The following GRID2 variants were observed in gnomAD, a reference collection of about 807,000 sequenced individuals.
GRID2 encodes glutamate ionotropic receptor delta type subunit 2.
GRID2 carries 33 observed loss-of-function variants against 114.8 expected under a neutral mutation model. That is an observed-to-expected ratio of 0.29 (90% CI 0.22 to 0.38). The LOEUF (loss-of-function observed/expected upper bound fraction) is 0.38, where lower values mean the gene tolerates loss of function less well. GRID2 is among the 10% of genes least tolerant of loss of function. The pLI, the probability that GRID2 is intolerant of heterozygous loss-of-function variation, is 1.00. For missense variants in GRID2, 1,184 were observed against 1,257.7 expected, an observed-to-expected ratio of 0.94 and a Z score of 0.89; for synonymous variants, 505 against 449.9, an observed-to-expected ratio of 1.12 and a Z score of -1.55.
intron 14 of GRID2, among the ~76,000 whole-genome samples, chr4:93,673,600 G>A (rs1724608292): frequency 6.6e-6 from 1 of 151,914 alleles, no homozygotes; most frequent in African/African-American, 2.4e-5. Flanking sequence ...ATTGACAATT[G>A]AAACATTCCA....
Position 93,478,286 on chromosome 4 carries a change from G to A in GRID2, c.1859-12353G>A, listed in dbSNP as rs186669798. ...TAAAATCAGCATGTAAGGTTTATGT[G>A]TGGTAACCAGCACCCGTTTAATTTG... On this transcript the variant is annotated intron_variant, in intron 11 of 15. Coordinates refer to ENST00000282020, the MANE Select transcript of GRID2 (RefSeq NM_001510.4). Among the ~76,000 whole-genome samples, 43 of 152,228 alleles carry A rather than the reference G, an allele frequency of 2.8e-4. 2 individuals carry two copies. Among genetic ancestry groups the A allele is most frequent in the Admixed American group, 1.7e-3 (26 of 15,266 alleles).
intron 1 of GRID2, among the ~76,000 whole-genome samples, chr4:92,444,749 A>G (rs1449700468): frequency 6.6e-6 from 1 of 152,196 alleles, no homozygotes; most frequent in Non-Finnish European, 1.5e-5. Flanking sequence ...TAAATGACAA[A>G]TGCCAGAATA....
At chr4:92,483,987 G>A (rs956068851) in intron 1 of GRID2, among the ~76,000 whole-genome samples, 9 of 152,242 alleles carry the variant, frequency 5.9e-5, no homozygotes, top group African/African-American at 1.4e-4. Context: ...ATTAAACTAC[G>A]TGAATGATAA....
At chr4:92,396,113 A>C (rs1730480289) in intron 1 of GRID2, among the ~76,000 whole-genome samples, 1 of 151,938 alleles carries the variant, frequency 6.6e-6, no homozygotes, top group South Asian at 2.1e-4. Context: ...AAATGACTTG[A>C]CATATGGTCT....
intron 12 of GRID2, among the ~76,000 whole-genome samples, chr4:93,512,788 C>T (rs780649911): frequency 1.3e-5 from 2 of 152,134 alleles, no homozygotes; most frequent in Non-Finnish European, 2.9e-5. Flanking sequence ...ACTTCTCCAG[C>T]TAAACTGTAT....
intron 4 of GRID2, among the ~76,000 whole-genome samples, chr4:93,137,965 C>CTTTTT (rs1735412916): frequency 1.5e-5 from 1 of 67,094 alleles, no homozygotes; most frequent in Non-Finnish European, 3.0e-5. Context: ...ATTTTTTCTT[C>CTTTTT]GTTTTTTTTT....
Position 93,618,755 on chromosome 4 carries a change from C to T in GRID2, c.2194-7514C>T, listed in dbSNP as rs113481176. Among the ~76,000 whole-genome samples the T allele has an allele frequency of 7.9e-3, 1,202 of 152,300 alleles. 8 individuals carry two copies. Among genetic ancestry groups the T allele is most frequent in the African/African-American group, 0.01 (433 of 41,568 alleles). Reference sequence around the variant, plus strand: ...CTTCCCTGCAGGTTGCACTTGTTTTCGCAGACACACCCAGCCTGAAGGAGA... The same window carrying T: ...CTTCCCTGCAGGTTGCACTTGTTTTTGCAGACACACCCAGCCTGAAGGAGA... On this transcript the variant is annotated intron_variant, in intron 13 of 15. Coordinates refer to ENST00000282020, the MANE Select transcript of GRID2 (RefSeq NM_001510.4).
rs1734293786 is a variant in GRID2, at chr4:93,774,269, G to T, written c.*1771G>T. 6.6e-6 allele frequency: 1 copy of T among 151,890 alleles called. No homozygotes were observed. The highest frequency in any genetic ancestry group is 1.5e-5 in the Non-Finnish European group (1 of 67,928). 9.4% of individuals were successfully genotyped at this position (151,890 alleles called of 1,614,324 possible). A position where few individuals can be genotyped will look rare whatever the true frequency, so the allele number is the denominator to read the frequency against. On this transcript the variant is annotated 3_prime_UTR_variant, in exon 16 of 16. Coordinates refer to ENST00000282020, the MANE Select transcript of GRID2 (RefSeq NM_001510.4). ...TGTTTCCAGGGTAACAAGTAACTAA[G>T]TGCATGCACAACTTGTTTTCCCTTG...
intron 1 of GRID2, among the ~76,000 whole-genome samples, chr4:92,496,901 A>T (rs112240685): frequency 0.011 from 1,641 of 151,756 alleles, 27 homozygotes; most frequent in African/African-American, 0.038. Flanking sequence ...ATACACTTTC[A>T]AATATTGTCT....
In GRID2 at chr4:92,558,055, T is replaced by G. The variant is rs144815716; in HGVS notation, c.89-32076T>G. Among the ~76,000 whole-genome samples the G allele has an allele frequency of 1.5e-4, 23 of 152,234 alleles. No individual in the cohort carries two copies. The East Asian group carries it at 2.1e-3, about 14-fold the overall frequency. On this transcript the variant is annotated intron_variant, in intron 1 of 15. Coordinates refer to ENST00000282020, the MANE Select transcript of GRID2 (RefSeq NM_001510.4). ...TCCTCCATTCTATTTTTGGAGCCAA[T>G]GAAGTTTCTTACATTTGGCCAGCCC... is the stretch of plus-strand genomic sequence containing the variant.
At chr4:92,649,214 C>T (rs1427587747) in intron 2 of GRID2, among the ~76,000 whole-genome samples, 1 of 117,470 alleles carries the variant, frequency 8.5e-6, no homozygotes, top group East Asian at 2.6e-4. Flanking sequence ...GAAAATTTGC[C>T]ATATGACTAT....
At chr4:93,740,622 G>A (rs1380707398) in intron 14 of GRID2, among the ~76,000 whole-genome samples, 1 of 152,184 alleles carries the variant, frequency 6.6e-6, no homozygotes, top group Non-Finnish European at 1.5e-5. Context: ...AGATACATAT[G>A]TGCGTTACTT....
intron 13 of GRID2, among the ~76,000 whole-genome samples, chr4:93,618,655 G>A (rs72670695): frequency 0.025 from 3,821 of 152,242 alleles, 59 homozygotes; most frequent in Non-Finnish European, 0.028. Context: ...AATATCTAAG[G>A]AAGGAAGTCC....
intron 2 of GRID2, among the ~76,000 whole-genome samples, chr4:92,936,549 T>C (rs1750686782): frequency 6.8e-6 from 1 of 146,288 alleles, no homozygotes; most frequent in South Asian, 2.3e-4. Flanking sequence ...CATGTAATAT[T>C]AGTAGATTGT....
At chr4:92,852,005 T>C (rs975106541) in intron 2 of GRID2, among the ~76,000 whole-genome samples, 1 of 151,940 alleles carries the variant, frequency 6.6e-6, no homozygotes, top group Non-Finnish European at 1.5e-5. Context: ...GGTAATTATA[T>C]AATTAGGTCT....
At chr4:92,759,317 T>G (rs970398177) in intron 2 of GRID2, among the ~76,000 whole-genome samples, 1 of 152,150 alleles carries the variant, frequency 6.6e-6, no homozygotes, top group African/African-American at 2.4e-5. Flanking sequence ...ATAACCTATA[T>G]TTCTGTCAAG....
intron 2 of GRID2, among the ~76,000 whole-genome samples, chr4:92,594,003 T>A (rs1728832796): frequency 1.3e-5 from 2 of 151,662 alleles, no homozygotes; most frequent in Admixed American, 1.3e-4. Context: ...TAAATCTGGT[T>A]GAATATTTTC....
intron 1 of GRID2, among the ~76,000 whole-genome samples, chr4:92,357,434 C>G (rs1202324733): frequency 3.3e-5 from 5 of 151,790 alleles, no homozygotes; most frequent in Non-Finnish European, 4.4e-5. Context: ...AAAATCTGCT[C>G]TCTTAGCTTT....
intron 10 of GRID2, among the ~76,000 whole-genome samples, chr4:93,438,977 C>T (rs1448828208): frequency 2.0e-5 from 3 of 151,986 alleles, no homozygotes; most frequent in Non-Finnish European, 4.4e-5. Context: ...ATGATGGTTT[C>T]CACTTTCATT....
Sources: gnomAD v4.1 joint callset for allele counts (sites outside exome capture counted in the v4.1 genomes callset) on GRCh38, gnomAD v4.1.1 for gene constraint, MANE v1.5 for transcripts, NCBI Gene and HGNC (gene_info 2026-07-23, HGNC 2026-07-21) for gene names.